The following DSCAM variants were observed in gnomAD, a reference collection of about 807,000 sequenced individuals.
DSCAM encodes the protein DS cell adhesion molecule.
Under a neutral mutation model 217.7 loss-of-function variants are expected in DSCAM, and 47 were observed. That is an observed-to-expected ratio of 0.22 (90% CI 0.17 to 0.28). The LOEUF is 0.28. Among genes scored for constraint, DSCAM ranks in the 10% least tolerant of loss-of-function variants. The pLI, the probability that DSCAM is intolerant of heterozygous loss-of-function variation, is 1.00. For synonymous variants in DSCAM, 1,056 were observed against 1,015.3 expected (o/e 1.04, Z -0.76); for missense variants, 2,080 against 2,618.3 (o/e 0.79, Z 4.49).
intron 3 of DSCAM, among the ~76,000 whole-genome samples, chr21:40,376,399 T>TATCTATATCATATATATCTTATATAG (rs1569092602): frequency 7.1e-6 from 1 of 141,436 alleles, no homozygotes; most frequent in African/African-American, 2.7e-5. Context: ...AAGATATATA[T>TATCTATATCATATATATCTTATATAG]ATATCTATAT....
chr21:40,391,873 C>G (rs2075137061), intron 3 of DSCAM, among the ~76,000 whole-genome samples: 1 of 152,178 alleles, frequency 6.6e-6, no homozygotes. Flanking sequence ...GAATGTGACT[C>G]TGGGTCATCT....
At chr21:40,450,174 C>A (rs1212023273) in intron 3 of DSCAM, among the ~76,000 whole-genome samples, 2 of 152,118 alleles carry the variant, frequency 1.3e-5, no homozygotes, top group Admixed American at 6.6e-5. Context: ...CACACCATGG[C>A]ACAATAGCAC....
chr21:40,156,135 A>G (rs146110944), intron 16 of DSCAM, among the ~76,000 whole-genome samples: 7 of 151,648 alleles, frequency 4.6e-5, no homozygotes, highest in African/African-American at 1.5e-4. Flanking sequence ...GTAGGAGGAG[A>G]GGGTAAGTAT....
intron 32 of DSCAM, among the ~76,000 whole-genome samples, chr21:40,018,493 C>T (rs189587202): frequency 5.3e-5 from 8 of 152,230 alleles, no homozygotes; most frequent in Non-Finnish European, 8.8e-5. Flanking sequence ...GACTCAATCA[C>T]GAACGCTTGA....
intron 4 of DSCAM, among the ~76,000 whole-genome samples, chr21:40,354,549 GA>G (rs950696840): frequency 2.0e-5 from 3 of 151,374 alleles, no homozygotes; most frequent in African/African-American, 7.3e-5. Flanking sequence ...AATTTAAACA[GA>G]AAAAAAGAGC....
At chr21:40,299,309 C>T (rs2073988895) in intron 9 of DSCAM, among the ~76,000 whole-genome samples, 1 of 152,170 alleles carries the variant, frequency 6.6e-6, no homozygotes, top group South Asian at 2.1e-4. Context: ...AGAAGACTGT[C>T]ATGAATGTAA....
intron 8 of DSCAM, among the ~76,000 whole-genome samples, 155 bp from the exon 9 acceptor site, chr21:40,312,514 A>G (rs2074150623): frequency 6.6e-6 from 1 of 152,218 alleles, no homozygotes; most frequent in African/African-American, 2.4e-5. Context: ...TGCTTCTATT[A>G]TTTGAATGTT....
At chr21:40,169,535 C>G (rs2090633100) in intron 15 of DSCAM, among the ~76,000 whole-genome samples, 1 of 152,052 alleles carries the variant, frequency 6.6e-6, no homozygotes, top group Non-Finnish European at 1.5e-5. Context: ...GCACTGAGGA[C>G]CAAGCAGGAA....
chr21:40,390,921 A>G (rs1180864868), intron 3 of DSCAM, among the ~76,000 whole-genome samples: 4 of 152,218 alleles, frequency 2.6e-5, no homozygotes, highest in Non-Finnish European at 5.9e-5. Flanking sequence ...TGAATCTATT[A>G]TAACATCTCA....
At chr21:40,795,831 T>G (rs1220565724) in intron 1 of DSCAM, among the ~76,000 whole-genome samples, 2 of 152,226 alleles carry the variant, frequency 1.3e-5, no homozygotes, top group Non-Finnish European at 2.9e-5. Context: ...ATGCCTCAGA[T>G]GATCTGATTG....
intron 4 of DSCAM, among the ~76,000 whole-genome samples, chr21:40,362,650 G>C (rs541736892): frequency 6.6e-6 from 1 of 152,146 alleles, no homozygotes; most frequent in African/African-American, 2.4e-5. Context: ...TCTGAACTAA[G>C]GTTATTTGGT....
chr21:40,524,183 A>G (rs7275393), intron 3 of DSCAM, among the ~76,000 whole-genome samples: 1 of 152,146 alleles, frequency 6.6e-6, no homozygotes, highest in African/African-American at 2.4e-5. Flanking sequence ...TTAGATCATG[A>G]GCAACTTAAA....
chr21:40,056,131 C>A (rs925533319), intron 28 of DSCAM, among the ~76,000 whole-genome samples: 7 of 152,016 alleles, frequency 4.6e-5, no homozygotes, highest in African/African-American at 1.2e-4. Flanking sequence ...TGTGTAAATG[C>A]TAAATGAAAC....
chr21:40,388,812 G>C (rs1235412594), intron 3 of DSCAM, among the ~76,000 whole-genome samples: 1 of 152,112 alleles, frequency 6.6e-6, no homozygotes, highest in Non-Finnish European at 1.5e-5. Context: ...TCACCACTCT[G>C]GGTAAGCAAA....
intron 3 of DSCAM, among the ~76,000 whole-genome samples, chr21:40,571,040 A>G (rs911237368): frequency 1.7e-4 from 26 of 152,182 alleles, no homozygotes; most frequent in Admixed American, 1.7e-3. Flanking sequence ...ATAAGATTTT[A>G]AAAAGTTATT....
intron 16 of DSCAM, among the ~76,000 whole-genome samples, chr21:40,164,778 G>A (rs2090576249): frequency 6.6e-6 from 1 of 151,914 alleles, no homozygotes; most frequent in African/African-American, 2.4e-5. Flanking sequence ...CTCCAGCCTG[G>A]GCGACAGAGT....
chr21:40,483,024 C>G (rs1377983406), intron 3 of DSCAM, among the ~76,000 whole-genome samples: 1 of 152,204 alleles, frequency 6.6e-6, no homozygotes, highest in Non-Finnish European at 1.5e-5. Flanking sequence ...TTTTTATATA[C>G]TGATCATCTG....
In DSCAM at chr21:40,042,457, C is replaced by G. The variant is rs778606173; in HGVS notation, c.5600G>C (p.Gly1867Ala). ...GGGAGATGCAGTGAACCTGCAGATT[C>G]CCGATTCGGAAGGGGTGCTGGAGGT... ...SLTSSTPSES[G>A]ICRFTASPPK... Residue 1867 changes from glycine to alanine, a missense_variant, in exon 32 of 33, where the codon GGA becomes GCA. By Grantham distance (60) the Gly-to-Ala change is moderately conservative. Around this residue, in one of 5 missense-constraint regions of DSCAM, gnomAD observed 1,144 missense variants for 1,421.1 expected, o/e 0.81. Coordinates refer to ENST00000400454, the MANE Select transcript of DSCAM (RefSeq NM_001389.5). The G allele has an allele frequency of 6.2e-7, 1 of 1,614,206 alleles. No individual in the cohort carries two copies. Among genetic ancestry groups the G allele is most frequent in the Non-Finnish European group, 8.5e-7 (1 of 1,180,036 alleles).
chr21:40,742,089 T>C (rs2091129721), intron 1 of DSCAM, among the ~76,000 whole-genome samples: 1 of 152,162 alleles, frequency 6.6e-6, no homozygotes, highest in Non-Finnish European at 1.5e-5. Flanking sequence ...ACCTAGACAG[T>C]CACATGCGAC....
Sources: gnomAD v4.1 joint callset for allele counts (sites outside exome capture counted in the v4.1 genomes callset) on GRCh38, gnomAD v4.1.1 for gene constraint, gnomAD v4.1.1 regional missense constraint, MANE v1.5 for transcripts, NCBI Gene and HGNC (gene_info 2026-07-23, HGNC 2026-07-21) for gene names.